Variants in PMFBP1 observed in about 807,000 individuals in gnomAD.
PMFBP1 encodes the protein polyamine modulated factor 1 binding protein 1, also known as polyamine-modulated factor 1-binding protein 1.
In PMFBP1, 131 loss-of-function variants were observed where a neutral mutation model predicts 137.8. The ratio of observed to expected loss-of-function variants is 0.95; its 90% CI spans 0.82 to 1.10. The LOEUF is 1.10. Among genes scored for constraint, PMFBP1 ranks in the 50% least tolerant of loss-of-function variants. The pLI, the probability that PMFBP1 is intolerant of heterozygous loss-of-function variation, is 0.00. For synonymous variants in PMFBP1, 490 were observed against 450.4 expected, an observed-to-expected ratio of 1.09 and a Z score of -1.11; for missense variants, 1,199 against 1,175.4, an observed-to-expected ratio of 1.02 and a Z score of -0.29.
chr16:72,162,856 T>C lies in PMFBP1; in HGVS notation c.165+1908A>G, dbSNP rs181232866. Among the ~76,000 whole-genome samples, 256 of 152,310 alleles carry C rather than the reference T, an allele frequency of 1.7e-3. 4 individuals are homozygous for C. Among genetic ancestry groups the C allele is most frequent in the Non-Finnish European group, 4.4e-4 (30 of 68,024 alleles). ...CAGCAATGGTGAAAATATCCTAAAA[T>C]GTTAATATTTAGAAAGAAGTAAATT... On this transcript the variant is annotated intron_variant, in intron 3 of 20. Coordinates refer to ENST00000237353, the MANE Select transcript of PMFBP1 (RefSeq NM_031293.3).
At chr16:72,246,143 G>A in the PMFBP1 span, among the ~76,000 whole-genome samples, 1 of 152,168 alleles carries the variant, frequency 6.6e-6, no homozygotes, top group African/African-American at 2.4e-5. Flanking sequence ...AGCACCCAGT[G>A]CCTAAGAAAA....
the PMFBP1 span, among the ~76,000 whole-genome samples, chr16:72,186,525 T>C: frequency 3.3e-4 from 50 of 152,212 alleles, no homozygotes; most frequent in East Asian, 9.3e-3. Context: ...GAAATTTATC[T>C]AGAGGCAACA....
chr16:72,182,517 G>T, the PMFBP1 span, among the ~76,000 whole-genome samples: 1 of 141,736 alleles, frequency 7.1e-6, no homozygotes, highest in Admixed American at 7.0e-5. Context: ...AAAAAAAAAA[G>T]GCCAAGAGGT....
chr16:72,242,119 C>T, the PMFBP1 span, among the ~76,000 whole-genome samples: 1 of 152,128 alleles, frequency 6.6e-6, no homozygotes, highest in South Asian at 2.1e-4. Context: ...GTGCATAATT[C>T]CAAAATGGCA....
In PMFBP1 at chr16:72,150,621, C is replaced by T. The variant is rs1177824499; in HGVS notation, c.623G>A (p.Gly208Glu). 1 of 1,612,968 alleles carries T rather than the reference C, an allele frequency of 6.2e-7. No individual in the cohort carries two copies. The highest frequency in any genetic ancestry group is 2.2e-5 in the East Asian group (1 of 44,878). ...CTTAAGTCCTACCTGACCCATGATC[C>T]CGCCGAGTTCCCCCTGCAACATCTT... ...QVKMLQGELGGIMGQEPENKG... is the reference protein window; with the variant it reads ...QVKMLQGELGEIMGQEPENKG... The change falls in exon 5 of 21, where the codon GGG (glycine) becomes GAG (glutamate). Residue 208 changes from glycine to glutamate, a missense_variant. By Grantham distance (98) the Gly-to-Glu change is moderately conservative. Transcript: ENST00000237353.
the PMFBP1 span, among the ~76,000 whole-genome samples, chr16:72,239,421 C>T: frequency 6.6e-6 from 1 of 152,170 alleles, no homozygotes; most frequent in Non-Finnish European, 1.5e-5. Context: ...CCCCAAAATT[C>T]TCTGCGATGC....
the PMFBP1 span, among the ~76,000 whole-genome samples, chr16:72,205,927 G>C: frequency 1.3e-5 from 2 of 152,114 alleles, no homozygotes; most frequent in African/African-American, 4.8e-5. Context: ...TAGGGTCACC[G>C]TCTATGAAAG....
chr16:72,151,942 C>T (rs1041948077), intron 4 of PMFBP1, among the ~76,000 whole-genome samples: 1 of 152,164 alleles, frequency 6.6e-6, no homozygotes, highest in Admixed American at 6.5e-5. Flanking sequence ...CCCTCAGGAG[C>T]AGCCCTCAAC....
intron 3 of PMFBP1, among the ~76,000 whole-genome samples, chr16:72,156,026 G>A (rs1274879718): frequency 6.6e-6 from 1 of 152,022 alleles, no homozygotes; most frequent in African/African-American, 2.4e-5. Flanking sequence ...TTGCTCCATT[G>A]CCCAGGCTGG....
At chr16:72,195,981 ATGTGTGTGTGTGTGTGTGTG>A in the PMFBP1 span, among the ~76,000 whole-genome samples, 385 of 145,056 alleles carry the variant, frequency 2.7e-3, 4 homozygotes, top group African/African-American at 8.0e-3. Context: ...AGCTTACAGA[ATGTGTGTGTGTGTGTGTGTG>A]TGTGTGTGTG....
At chr16:72,245,831 TC>T in the PMFBP1 span, among the ~76,000 whole-genome samples, 1 of 152,186 alleles carries the variant, frequency 6.6e-6, no homozygotes, top group African/African-American at 2.4e-5. Context: ...TCCTTGAACT[TC>T]ACTTGAGCTG....
At position 72,172,147 on chromosome 16, in the gene PMFBP1, A is replaced by C. The variant is rs1413711370; in HGVS notation, c.-154T>G. The C allele has an allele frequency of 2.0e-5, 3 of 152,134 alleles. No homozygotes were observed. Among genetic ancestry groups the C allele is most frequent in the Non-Finnish European group, 2.9e-5 (2 of 68,030 alleles). 9.4% of individuals were successfully genotyped at this position (152,134 alleles called of 1,614,324 possible). ...TCCCTAATATAAGCCAAGAGGAAGAAAGAATGTTGGTGATATGTGGAATCT... is the reference window on the plus strand; with the variant it reads ...TCCCTAATATAAGCCAAGAGGAAGACAGAATGTTGGTGATATGTGGAATCT... On this transcript the variant is annotated 5_prime_UTR_variant, in exon 1 of 21. Transcript: ENST00000237353.
chr16:72,189,662 T>C, the PMFBP1 span, among the ~76,000 whole-genome samples: 3 of 152,230 alleles, frequency 2.0e-5, no homozygotes, highest in Non-Finnish European at 2.9e-5. Flanking sequence ...TAGGAGCCTC[T>C]GCTGTAATTG....
chr16:72,154,185 T>C, intron 4 of PMFBP1, 26 bp downstream of exon 4: 2 of 1,607,460 alleles, frequency 1.2e-6, no homozygotes, highest in Non-Finnish European at 1.7e-6. Flanking sequence ...GAATGTGGGT[T>C]ATTTCCATGG....
the PMFBP1 span, among the ~76,000 whole-genome samples, chr16:72,242,028 G>T: frequency 6.6e-6 from 1 of 152,202 alleles, no homozygotes; most frequent in African/African-American, 2.4e-5. Context: ...GTGTCCTGCA[G>T]TTCTCTCAAT....
the PMFBP1 span, among the ~76,000 whole-genome samples, chr16:72,211,294 C>A: frequency 6.6e-6 from 1 of 152,144 alleles, no homozygotes; most frequent in African/African-American, 2.4e-5. Flanking sequence ...AGACTCAGTG[C>A]ACAGAACACC....
chr16:72,122,985 G>A lies in PMFBP1; in HGVS notation c.2697C>T (p.Val899=), dbSNP rs746657434. The change falls in exon 19 of 21, where the codon GTC becomes GTT. Residue 899 remains valine, a synonymous_variant. Coordinates refer to ENST00000237353, the MANE Select transcript of PMFBP1 (RefSeq NM_031293.3). ...GCTGGTTTCCTAGTTTCTCATTGGCGACCCTGTAATAAAATCACAGGAGAA... is the reference window on the plus strand; with the variant it reads ...GCTGGTTTCCTAGTTTCTCATTGGCAACCCTGTAATAAAATCACAGGAGAA... ...NLEQWAKQQK[V]ANEKLGNQLR... is the part of the protein sequence containing the mutation. 8.1e-6 allele frequency: 13 copies of A among 1,612,470 alleles called. No homozygotes were observed. The highest frequency in any genetic ancestry group is 1.3e-5 in the African/African-American group (1 of 75,026).
intron 19 of PMFBP1, among the ~76,000 whole-genome samples, chr16:72,122,643 C>A (rs1399091979): frequency 3.9e-5 from 6 of 152,240 alleles, no homozygotes; most frequent in Non-Finnish European, 8.8e-5. Flanking sequence ...CCCTGCTTAG[C>A]ACCCTTGACC....
intron 5 of PMFBP1, among the ~76,000 whole-genome samples, chr16:72,142,340 T>A (rs530732378): frequency 6.6e-6 from 1 of 152,202 alleles, no homozygotes; most frequent in South Asian, 2.1e-4. Flanking sequence ...AGAAATATTC[T>A]CTGAAGTGAA....
Sources: allele counts gnomAD v4.1 joint callset (sites outside exome capture counted in the v4.1 genomes callset), GRCh38; gene constraint gnomAD v4.1.1; transcripts MANE v1.5; gene names NCBI Gene and HGNC (gene_info 2026-07-23, HGNC 2026-07-21).